Variants in PUM2 observed in about 807,000 individuals in gnomAD.
The protein encoded by PUM2 is pumilio RNA binding family member 2.
Under a neutral mutation model 124.5 loss-of-function variants are expected in PUM2, and 57 were observed. That is an observed-to-expected ratio of 0.46 (90% CI 0.37 to 0.57). The LOEUF (loss-of-function observed/expected upper bound fraction) is 0.57. Ranked by LOEUF, PUM2 falls within the 20% of genes least tolerant of loss-of-function variation. The pLI is 0.00. For synonymous variants in PUM2, 460 were observed against 446.1 expected, an observed-to-expected ratio of 1.03 and a Z score of -0.39; for missense variants, 1,065 against 1,290.6, an observed-to-expected ratio of 0.83 and a Z score of 2.68.
chr2:20,321,192 C>T (rs1682253596), intron 2 of PUM2, among the ~76,000 whole-genome samples: 2 of 152,020 alleles, frequency 1.3e-5, no homozygotes, highest in African/African-American at 4.8e-5. Flanking sequence ...GGAGGCTGGG[C>T]AAGAAAATTG....
chr2:20,278,066 A>G lies in PUM2; in HGVS notation c.1957+517T>C, dbSNP rs184767299. On this transcript the variant is annotated intron_variant, in intron 13 of 20. Coordinates refer to ENST00000361078, the MANE Select transcript of PUM2 (RefSeq NM_015317.5). ...ATTTTTTTTCTTTAACATATCCAAA[A>G]AAGAAGTATATGGCCCAAGCCTATA... 1.1e-4 allele frequency among the ~76,000 whole-genome samples: 17 copies of G among 152,310 alleles called. No individual in the cohort carries two copies. In the East Asian group the frequency reaches 3.1e-3, roughly 28 times the overall value.
chr2:20,342,477 T>G (rs1687416858), intron 1 of PUM2, among the ~76,000 whole-genome samples: 2 of 152,244 alleles, frequency 1.3e-5, no homozygotes, highest in Non-Finnish European at 2.9e-5. Flanking sequence ...AGTATTACCA[T>G]AACTTTTCTG....
At chr2:20,253,525 T>G (rs959537417) in intron 20 of PUM2, among the ~76,000 whole-genome samples, 2 of 151,788 alleles carry the variant, frequency 1.3e-5, no homozygotes, top group African/African-American at 2.4e-5. Flanking sequence ...TTTTTTTTTT[T>G]GTAGAGGGAG....
intron 7 of PUM2, among the ~76,000 whole-genome samples, chr2:20,307,029 AC>A (rs891501772): frequency 1.3e-5 from 2 of 151,974 alleles, no homozygotes; most frequent in African/African-American, 4.8e-5. Context: ...AGCCTGGCCA[AC>A]ATGGTAAAAC....
At chr2:20,322,278 G>GT (rs1186137678) in intron 2 of PUM2, among the ~76,000 whole-genome samples, 1 of 152,054 alleles carries the variant, frequency 6.6e-6, no homozygotes, top group Non-Finnish European at 1.5e-5. Context: ...TTCAAAAGAG[G>GT]TAAGAACAGA....
chr2:20,319,624 G>C (rs909503452), intron 2 of PUM2, among the ~76,000 whole-genome samples: 1 of 152,212 alleles, frequency 6.6e-6, no homozygotes, highest in Non-Finnish European at 1.5e-5. Flanking sequence ...AAATTGGTCT[G>C]AGATAAGATG....
intron 1 of PUM2, chr2:20,331,801 G>C (rs966305016): frequency 6.6e-6 from 1 of 152,108 alleles, no homozygotes; most frequent in African/African-American, 2.4e-5. Flanking sequence ...AATTTTGAGA[G>C]GTCTCTTAGC....
In PUM2 at chr2:20,249,333, A is replaced by G. The variant is rs1327521384; in HGVS notation, c.*2252T>C. ...GAACAAAAGTTCGATACGGGCCGAA[A>G]TACTCTGAGGTTGGTAAAGTAGGAA... On this transcript the variant is annotated 3_prime_UTR_variant, in exon 21 of 21. Coordinates refer to ENST00000361078, the MANE Select transcript of PUM2 (RefSeq NM_015317.5). 5.2e-5 allele frequency: 8 copies of G among 152,636 alleles called. No homozygotes were observed. In the South Asian group the frequency reaches 1.5e-3, roughly 28 times the overall value. The allele number at this position is 152,636 out of a possible 1,614,324, so 9.5% of individuals were successfully genotyped here.
intron 1 of PUM2, 150 bp downstream of exon 1, chr2:20,350,447 G>A (rs1034701679): frequency 7.2e-6 from 7 of 974,084 alleles, no homozygotes; most frequent in Non-Finnish European, 7.3e-6. Flanking sequence ...GTGCGAGCGG[G>A]CCCCAGGCCG....
chr2:20,282,362 G>A (rs1671738191), intron 12 of PUM2, among the ~76,000 whole-genome samples: 1 of 152,188 alleles, frequency 6.6e-6, no homozygotes. Context: ...CCTTTTAAGT[G>A]AATTTTTAGT....
chr2:20,326,460 G>A (rs958868275), intron 2 of PUM2: 260 of 1,261,730 alleles, frequency 2.1e-4, no homozygotes, highest in Non-Finnish European at 1.3e-4. Context: ...ATCTCCAGGA[G>A]CAAGCAGTTA....
chr2:20,337,849 C>T (rs561332076), intron 1 of PUM2, among the ~76,000 whole-genome samples: 22 of 152,180 alleles, frequency 1.4e-4, no homozygotes, highest in Non-Finnish European at 2.4e-4. Context: ...AAGAGAATAA[C>T]AACAGAAATT....
chr2:20,332,599 G>T lies in PUM2; in HGVS notation c.-18-5221C>A, dbSNP rs568368370. On this transcript the variant is annotated intron_variant, in intron 1 of 20. Coordinates refer to ENST00000361078, the MANE Select transcript of PUM2 (RefSeq NM_015317.5). Reference sequence around the variant, plus strand: ...AACTATAATAAAGTTGAAGAGATGGGGAGACAGTTGCCCATATGCTACTAA... The same window carrying T: ...AACTATAATAAAGTTGAAGAGATGGTGAGACAGTTGCCCATATGCTACTAA... Among the ~76,000 whole-genome samples, 5 of 152,102 alleles carry T rather than the reference G, an allele frequency of 3.3e-5. No homozygotes were observed. The South Asian group carries it at 1.0e-3, about 32-fold the overall frequency.
chr2:20,278,515 A>T (rs1002496526), intron 13 of PUM2, 68 bp downstream of exon 13: 4 of 1,285,062 alleles, frequency 3.1e-6, no homozygotes, highest in African/African-American at 3.0e-5. Flanking sequence ...TACATATATT[A>T]TAAACACACA....
chr2:20,275,350 C>T (rs1384365086), intron 13 of PUM2, among the ~76,000 whole-genome samples: 1 of 151,994 alleles, frequency 6.6e-6, no homozygotes, highest in African/African-American at 2.4e-5. Context: ...TTAAAAGTTG[C>T]TAGGGCATCA....
rs866225179 is a variant in PUM2 at position 20,273,064 on chromosome 2, G to A, written c.1957+5519C>T. On this transcript the variant is annotated intron_variant, in intron 13 of 20. Coordinates refer to ENST00000361078, the MANE Select transcript of PUM2 (RefSeq NM_015317.5). The stretch of plus-strand genomic sequence containing the variant: ...TTTAAAGGCTACCTTTTGATCCTTA[G>A]GGTACCTTATAAGCATGGTGGGATG... 4.2e-4 allele frequency among the ~76,000 whole-genome samples: 64 copies of A among 152,266 alleles called. No individual in the cohort carries two copies. In the Middle Eastern group the frequency reaches 0.01, roughly 24 times the overall value.
At chr2:20,300,152 A>T (rs1010042576) in intron 7 of PUM2, among the ~76,000 whole-genome samples, 1 of 147,680 alleles carries the variant, frequency 6.8e-6, no homozygotes, top group Non-Finnish European at 1.5e-5. Context: ...TTCAGGTTAA[A>T]TTTTTTTTTT....
intron 10 of PUM2, among the ~76,000 whole-genome samples, chr2:20,287,756 A>C (rs543566274): frequency 6.6e-6 from 1 of 152,334 alleles, no homozygotes; most frequent in East Asian, 1.9e-4. Flanking sequence ...ATGGTAGAGA[A>C]TTGGCAAGTT....
At chr2:20,282,841 T>C in intron 12 of PUM2, 106 bp downstream of exon 12, 1 of 1,254,408 alleles carries the variant, frequency 8.0e-7, no homozygotes, top group Non-Finnish European at 1.1e-6. Context: ...AATACTTTAT[T>C]CCTGTCCTTC....
Sources: gnomAD v4.1 joint callset for allele counts (sites outside exome capture counted in the v4.1 genomes callset) on GRCh38, gnomAD v4.1.1 for gene constraint, MANE v1.5 for transcripts, NCBI Gene and HGNC (gene_info 2026-07-23, HGNC 2026-07-21) for gene names.